Variants in GCNT3 observed in about 807,000 individuals in gnomAD.
GCNT3 encodes the protein beta-1,3-galactosyl-O-glycosyl-glycoprotein beta-1,6-N-acetylglucosaminyltransferase 3.
For missense variants in GCNT3, 708 were observed against 530.3 expected (o/e 1.34, Z -3.29); for synonymous variants, 269 against 195.2 (o/e 1.38, Z -3.15).
chr15:59,620,069 G>A lies in GCNT3; in HGVS notation c.*514G>A, dbSNP rs1309645164. On this transcript the variant is annotated 3_prime_UTR_variant, in exon 3 of 3. Coordinates refer to ENST00000396065, the MANE Select transcript of GCNT3 (RefSeq NM_004751.3). The stretch of plus-strand genomic sequence containing the variant: ...TAATATAAATATAAACAGATAAAGT[G>A]TGTGAGACTTTTTCTCATAACTATT... 4 of 168,150 alleles carry A rather than the reference G, an allele frequency of 2.4e-5. No individual in the cohort carries two copies. The highest frequency in any genetic ancestry group is 2.1e-4 in the South Asian group (1 of 4,856). The allele number at this position is 168,150 out of a possible 1,614,324, so 10.4% of individuals were successfully genotyped here. A position where few individuals can be genotyped will look rare whatever the true frequency, so the allele number is the denominator to read the frequency against.
Position 59,618,738 on chromosome 15 carries a change from A to G in GCNT3, c.500A>G (p.Lys167Arg), listed in dbSNP as rs369412992. The change falls in exon 3 of 3, where the codon AAG becomes AGG. Residue 167 changes from lysine to arginine, a missense_variant. Physicochemically the swap from Lys to Arg is conservative, Grantham distance 26. Transcript: ENST00000396065. The part of the protein sequence containing the change: ...QNIYCVHVDE[K>R]SPETFKEAVK... Reference sequence around the variant, plus strand: ...ATATACTGTGTCCATGTGGATGAGAAGTCCCCAGAAACTTTCAAAGAGGCG... The same window carrying G: ...ATATACTGTGTCCATGTGGATGAGAGGTCCCCAGAAACTTTCAAAGAGGCG... 2 of 1,614,210 alleles carry G rather than the reference A, an allele frequency of 1.2e-6. No homozygotes were observed. Among genetic ancestry groups the G allele is most frequent in the African/African-American group, 1.3e-5 (1 of 75,060 alleles).
chr15:59,614,041 C>G (rs1053394967), intron 1 of GCNT3, among the ~76,000 whole-genome samples: 3 of 152,098 alleles, frequency 2.0e-5, no homozygotes, highest in Non-Finnish European at 2.9e-5. Context: ...AACAAAAGCC[C>G]TCAACTATTC....
At chr15:59,612,880 T>A (rs1168735895) in intron 1 of GCNT3, among the ~76,000 whole-genome samples, 1 of 151,748 alleles carries the variant, frequency 6.6e-6, no homozygotes, top group Non-Finnish European at 1.5e-5. Context: ...TACAATAGAG[T>A]CTCTCCACAG....
At chr15:59,613,532 T>C (rs1006242304) in intron 1 of GCNT3, among the ~76,000 whole-genome samples, 1 of 118,714 alleles carries the variant, frequency 8.4e-6, no homozygotes, top group Non-Finnish European at 1.7e-5. Context: ...ACTCCATCTC[T>C]ACAATAAATA....
intron 1 of GCNT3, among the ~76,000 whole-genome samples, chr15:59,612,547 G>T (rs2082700978): frequency 6.6e-6 from 1 of 152,134 alleles, no homozygotes; most frequent in East Asian, 1.9e-4. Context: ...TCCTTAGCAG[G>T]GGTAAAAGGA....
rs190654660 is a variant in GCNT3, at chr15:59,619,838, A to G, written c.*283A>G. On this transcript the variant is annotated 3_prime_UTR_variant, in exon 3 of 3. Coordinates refer to ENST00000396065, the MANE Select transcript of GCNT3 (RefSeq NM_004751.3). ...CTGTGATAGGGAGAGTGAAGGAGGGATATGTGGTAGAGCACTTGATTTCAG... is the reference window on the plus strand; with the variant it reads ...CTGTGATAGGGAGAGTGAAGGAGGGGTATGTGGTAGAGCACTTGATTTCAG... 67 of 297,034 alleles carry G rather than the reference A, an allele frequency of 2.3e-4. No individual in the cohort carries two copies. The highest frequency in any genetic ancestry group is 4.0e-4 in the Non-Finnish European group (60 of 149,018). The allele number at this position is 297,034 out of a possible 1,614,324, so 18.4% of individuals were successfully genotyped here.
rs116981446 is a variant in GCNT3, at chr15:59,613,124, C to G, written c.-251+1143C>G. 4.7e-4 allele frequency among the ~76,000 whole-genome samples: 72 copies of G among 152,022 alleles called. No homozygotes were observed. In the East Asian group the frequency reaches 0.011, roughly 23 times the overall value. The stretch of plus-strand genomic sequence containing the variant: ...CTTCATATGTATCTTGTTTAATCTT[C>G]TCAATAGTAGTAGAAAACAAATATT... On this transcript the variant is annotated intron_variant, in intron 1 of 2. Transcript: ENST00000396065.
In GCNT3 at chr15:59,618,749, A is replaced by C; in HGVS notation, c.511A>C (p.Thr171Pro). 6.2e-7 allele frequency: 1 copy of C among 1,614,174 alleles called. No individual in the cohort carries two copies. The highest frequency in any genetic ancestry group is 8.5e-7 in the Non-Finnish European group (1 of 1,180,010). ...CVHVDEKSPE[T>P]FKEAVKAIIS... ...CCATGTGGATGAGAAGTCCCCAGAA[A>C]CTTTCAAAGAGGCGGTCAAAGCAAT... Residue 171 changes from threonine (T) to proline (P), a missense_variant, in exon 3 of 3, where the codon ACT becomes CCT. Coordinates refer to ENST00000396065, the MANE Select transcript of GCNT3 (RefSeq NM_004751.3).
intron 1 of GCNT3, among the ~76,000 whole-genome samples, chr15:59,613,846 A>G (rs1178030276): frequency 6.6e-6 from 1 of 151,550 alleles, no homozygotes; most frequent in Non-Finnish European, 1.5e-5. Context: ...CATCTCTACA[A>G]AAAAAATACA....
In GCNT3 at chr15:59,619,703, G is replaced by A. The variant is rs1387408159; in HGVS notation, c.*148G>A. The stretch of plus-strand genomic sequence containing the variant: ...AGGGCTGCTATTAGAGTGTGGGTAA[G>A]TAGATCTTTTGCCTTGCAAATTGCT... On this transcript the variant is annotated 3_prime_UTR_variant, in exon 3 of 3. Coordinates refer to ENST00000396065, the MANE Select transcript of GCNT3 (RefSeq NM_004751.3). 10 of 659,604 alleles carry A rather than the reference G, an allele frequency of 1.5e-5. No individual in the cohort carries two copies. Among genetic ancestry groups the A allele is most frequent in the Non-Finnish European group, 2.8e-5 (10 of 361,944 alleles). 40.9% of individuals were successfully genotyped at this position (659,604 alleles called of 1,614,324 possible).
Position 59,619,239 on chromosome 15 carries a change from C to T in GCNT3, c.1001C>T (p.Ala334Val). The change falls in exon 3 of 3, where the codon GCC (alanine) becomes GTC (valine). Residue 334 changes from alanine (A) to valine (V), a missense_variant. Physicochemically the swap from Ala to Val is moderately conservative, Grantham distance 64. Transcript: ENST00000396065. ...TATAGCCCAGATGAACACCTCTGGG[C>T]CACCCTTCAGCGTGCACGGTGGATG... ...DTYSPDEHLW[A>V]TLQRARWMPG... 6.2e-7 allele frequency: 1 copy of T among 1,614,134 alleles called. No individual in the cohort carries two copies. The highest frequency in any genetic ancestry group is 8.5e-7 in the Non-Finnish European group (1 of 1,180,016).
chr15:59,617,622 TA>T (rs1198441938), intron 2 of GCNT3, among the ~76,000 whole-genome samples: 1 of 152,238 alleles, frequency 6.6e-6, no homozygotes, highest in Non-Finnish European at 1.5e-5. Context: ...CAGTTATTTT[TA>T]CTTCTTTAAG....
In GCNT3 at chr15:59,619,901, T is replaced by A. The variant is rs2082739657; in HGVS notation, c.*346T>A. The A allele has an allele frequency of 4.9e-6, 1 of 204,692 alleles. No individual in the cohort carries two copies. Among genetic ancestry groups the A allele is most frequent in the Admixed American group, 5.3e-5 (1 of 18,782 alleles). The allele number at this position is 204,692 out of a possible 1,614,324, so 12.7% of individuals were successfully genotyped here. A position where few individuals can be genotyped will look rare whatever the true frequency, so the allele number is the denominator to read the frequency against. On this transcript the variant is annotated 3_prime_UTR_variant, in exon 3 of 3. Coordinates refer to ENST00000396065, the MANE Select transcript of GCNT3 (RefSeq NM_004751.3). ...TGGTAGCTTTTCCATTCTGTGGAGC[T>A]GCCGTTCCTAATAATTCCAGGTTTG...
At position 59,620,014 on chromosome 15, in the gene GCNT3, A is replaced by G. The variant is rs573429988; in HGVS notation, c.*459A>G. On this transcript the variant is annotated 3_prime_UTR_variant, in exon 3 of 3. Coordinates refer to ENST00000396065, the MANE Select transcript of GCNT3 (RefSeq NM_004751.3). The stretch of plus-strand genomic sequence containing the variant: ...TAAATAGCTCCTGATTCAAAGTATT[A>G]CCTCTACTTTTTGCCTAGTATGCCA... The G allele has an allele frequency of 1.2e-5, 2 of 170,922 alleles. No homozygotes were observed. The highest frequency in any genetic ancestry group is 3.8e-4 in the East Asian group (2 of 5,282). 10.6% of individuals were successfully genotyped at this position (170,922 alleles called of 1,614,324 possible).
At chr15:59,614,510 G>A (rs1168167691) in intron 1 of GCNT3, among the ~76,000 whole-genome samples, 2 of 152,150 alleles carry the variant, frequency 1.3e-5, no homozygotes, top group Non-Finnish European at 2.9e-5. Context: ...TTGATGATAC[G>A]CTAAACAAGG....
At chr15:59,617,062 T>C (rs2141936219) in intron 2 of GCNT3, among the ~76,000 whole-genome samples, 181 bp downstream of exon 2, 1 of 152,256 alleles carries the variant, frequency 6.6e-6, no homozygotes, top group South Asian at 2.1e-4. Context: ...TATCTGGTTT[T>C]CTTTACTGAT....
intron 1 of GCNT3, among the ~76,000 whole-genome samples, chr15:59,615,722 T>TA (rs775105632): frequency 0.012 from 1,674 of 141,164 alleles, 37 homozygotes; most frequent in African/African-American, 0.037. Flanking sequence ...ATCTCTACTT[T>TA]AAAAAAAAAA....
rs2082730636 is a variant in GCNT3 at position 59,618,518 on chromosome 15, A to C, written c.280A>C (p.Lys94Gln). The C allele has an allele frequency of 3.7e-6, 6 of 1,614,058 alleles. No individual in the cohort carries two copies. The highest frequency in any genetic ancestry group is 4.2e-6 in the Non-Finnish European group (5 of 1,180,028). Residue 94 changes from lysine (K) to glutamine (Q), a missense_variant, in exon 3 of 3, where the codon AAG becomes CAG. Physicochemically the swap from Lys to Gln is moderately conservative, Grantham distance 53. Transcript: ENST00000396065. Reference protein sequence around the residue: ...AILNNLEVKKKREPFTDTHYL... With the variant: ...AILNNLEVKKQREPFTDTHYL... ...TCTGAATAACCTGGAGGTCAAGAAG[A>C]AGCGAGAGCCTTTCACAGACACCCA...
chr15:59,612,859 G>C (rs2082702544), intron 1 of GCNT3, among the ~76,000 whole-genome samples: 1 of 152,068 alleles, frequency 6.6e-6, no homozygotes, highest in African/African-American at 2.4e-5. Context: ...GAGGTGCTGA[G>C]GGTGACAACT....
Sources: gnomAD v4.1 joint callset for allele counts (sites outside exome capture counted in the v4.1 genomes callset) on GRCh38, gnomAD v4.1.1 for gene constraint, MANE v1.5 for transcripts, NCBI Gene and HGNC (gene_info 2026-07-23, HGNC 2026-07-21) for gene names.